Variants in GRHL2 observed in about 807,000 individuals in gnomAD.
GRHL2 encodes the protein grainyhead like transcription factor 2, also known as grainyhead-like protein 2 homolog.
In GRHL2, 21 loss-of-function variants were observed where a neutral mutation model predicts 83.8. The observed-to-expected ratio is 0.25, with a 90% confidence interval of 0.18 to 0.36. The LOEUF is 0.36. Among genes scored for constraint, GRHL2 ranks in the 10% least tolerant of loss-of-function variants. The pLI, the probability that GRHL2 is intolerant of heterozygous loss-of-function variation, is 1.00. For missense variants in GRHL2, 623 were observed against 781.8 expected, an observed-to-expected ratio of 0.80 and a Z score of 2.42; for synonymous variants, 280 against 278.9, an observed-to-expected ratio of 1.00 and a Z score of -0.04.
At chr8:101,653,721 G>A (rs183111358) in intron 14 of GRHL2, among the ~76,000 whole-genome samples, 2,109 of 150,084 alleles carry the variant, frequency 0.014, 57 homozygotes, top group African/African-American at 0.05. Context: ...CAGACTGGGA[G>A]AGAGTGACTC....
intron 1 of GRHL2, among the ~76,000 whole-genome samples, chr8:101,527,182 C>T (rs192711482): frequency 8.5e-5 from 13 of 152,256 alleles, no homozygotes; most frequent in South Asian, 2.1e-4. Context: ...TGTCTGCACA[C>T]CATACTATGG....
rs773881238 is a variant in GRHL2 at position 101,647,968 on chromosome 8, T to C, written c.1613-1446T>C. On this transcript the variant is annotated intron_variant, in intron 13 of 15. Transcript: ENST00000646743. The stretch of plus-strand genomic sequence containing the variant: ...TTCTTCTGGTTGATGGCTCTGTTGG[T>C]GTCTGAGTGTCGCTGGTACCCAGAG... Among the ~76,000 whole-genome samples, 13 of 152,176 alleles carry C rather than the reference T, an allele frequency of 8.5e-5. No individual in the cohort carries two copies. The South Asian group carries it at 2.5e-3, about 29-fold the overall frequency.
intron 7 of GRHL2, among the ~76,000 whole-genome samples, chr8:101,581,423 G>A (rs1812050715): frequency 6.6e-6 from 1 of 152,152 alleles, no homozygotes; most frequent in Admixed American, 6.5e-5. Flanking sequence ...ACTCTTGTGA[G>A]CTCCTTGAAT....
chr8:101,502,766 T>TCTCCTCTTC (rs936414774), intron 1 of GRHL2, among the ~76,000 whole-genome samples: 1 of 151,774 alleles, frequency 6.6e-6, no homozygotes, highest in Non-Finnish European at 1.5e-5. Context: ...TCCTATTCTT[T>TCTCCTCTTC]CTCCTCTTCC....
At position 101,644,246 on chromosome 8, in the gene GRHL2, T is replaced by C. The variant is rs375945662; in HGVS notation, c.1612+21T>C. ...GCGAGGTATCTCTCCTGCTGGGGCA[T>C]GCCCTCTCAGAAGGGATGCGGGGTG... On this transcript the variant is annotated intron_variant, in intron 13 of 15. Coordinates refer to ENST00000646743, the MANE Select transcript of GRHL2 (RefSeq NM_024915.4). 7.2e-5 allele frequency: 114 copies of C among 1,593,536 alleles called. No individual in the cohort carries two copies. In the African/African-American group the frequency reaches 1.5e-3, roughly 21 times the overall value.
In GRHL2 at chr8:101,543,297, G is replaced by A. The variant is rs750332552; in HGVS notation, c.77G>A (p.Arg26Gln). 6.2e-6 allele frequency: 10 copies of A among 1,613,854 alleles called. No individual in the cohort carries two copies. In the Admixed American group the frequency reaches 6.7e-5, roughly 11 times the overall value. The change falls in exon 2 of 16, where the codon CGA becomes CAA. Residue 26 changes from arginine (R) to glutamine (Q), a missense_variant. Transcript: ENST00000646743. ...PMPSDPPFNT[R>Q]RAYTSEDEAW... ...CCCAGTGACCCTCCATTCAATACCC[G>A]AAGAGCCTACACCAGTGAGGATGAA...
intron 1 of GRHL2, among the ~76,000 whole-genome samples, chr8:101,505,632 T>C (rs1223113123): frequency 1.3e-5 from 2 of 150,676 alleles, no homozygotes; most frequent in Admixed American, 6.6e-5. Context: ...TTACGGGGCT[T>C]GTGGGAGGGT....
chr8:101,546,500 C>T (rs914257995), intron 2 of GRHL2, among the ~76,000 whole-genome samples: 6 of 151,744 alleles, frequency 4.0e-5, no homozygotes, highest in African/African-American at 9.7e-5. Context: ...ACCTCTGTCT[C>T]CCGAGTTCAA....
intron 4 of GRHL2, among the ~76,000 whole-genome samples, chr8:101,561,738 C>G (rs1811612180): frequency 6.6e-6 from 1 of 152,120 alleles, no homozygotes; most frequent in South Asian, 2.1e-4. Context: ...AATGGCATAA[C>G]CATTTTACAT....
At chr8:101,533,411 T>C (rs1019908053) in intron 1 of GRHL2, among the ~76,000 whole-genome samples, 1 of 152,228 alleles carries the variant, frequency 6.6e-6, no homozygotes, top group African/African-American at 2.4e-5. Flanking sequence ...GGAGCTTTTA[T>C]TCATTCATTT....
intron 7 of GRHL2, among the ~76,000 whole-genome samples, chr8:101,598,581 ATTTTTTTTTTTTTT>A (rs61519476): frequency 1.7e-5 from 2 of 117,654 alleles, no homozygotes; most frequent in East Asian, 2.6e-4. Context: ...GGTCTCCTGA[ATTTTTTTTTTTTTT>A]TTTTTTTTTT....
intron 1 of GRHL2, among the ~76,000 whole-genome samples, chr8:101,496,129 C>G (rs903799199): frequency 1.5e-5 from 2 of 131,576 alleles, no homozygotes; most frequent in Non-Finnish European, 3.2e-5. Flanking sequence ...GCCTGGGTGA[C>G]AGTGCGAGAC....
At chr8:101,647,002 A>T (rs919760566) in intron 13 of GRHL2, among the ~76,000 whole-genome samples, 2 of 152,178 alleles carry the variant, frequency 1.3e-5, no homozygotes, top group African/African-American at 4.8e-5. Flanking sequence ...GCCACACCTG[A>T]AGCAAGAAGA....
At position 101,558,483 on chromosome 8, in the gene GRHL2, C is replaced by T; in HGVS notation, c.349C>T (p.Leu117=). Residue 117 remains leucine, a synonymous_variant, in exon 4 of 16, where the codon CTA becomes TTA. Transcript: ENST00000646743. ...TGGAGGAGAAAACCGAGTGCAAGTC[C>T]TAAAGACTGTTCCAGTGAACCTTTC... is the stretch of plus-strand genomic sequence containing the variant. ...LSGGENRVQV[L]KTVPVNLSLN... is the part of the protein sequence containing the mutation. 1 of 1,614,134 alleles carries T rather than the reference C, an allele frequency of 6.2e-7. No homozygotes were observed. Among genetic ancestry groups the T allele is most frequent in the Non-Finnish European group, 8.5e-7 (1 of 1,180,026 alleles).
At chr8:101,500,097 A>C (rs1399450395) in intron 1 of GRHL2, among the ~76,000 whole-genome samples, 8 of 152,072 alleles carry the variant, frequency 5.3e-5, no homozygotes, top group Non-Finnish European at 1.2e-4. Context: ...CCAACCAACC[A>C]AACAAGAAAT....
intron 8 of GRHL2, among the ~76,000 whole-genome samples, chr8:101,609,953 G>A (rs112155525): frequency 4.0e-5 from 6 of 150,692 alleles, no homozygotes; most frequent in African/African-American, 1.2e-4. Context: ...AACAAATGCC[G>A]AAAAAGTCGA....
chr8:101,509,351 T>G (rs1810419317), intron 1 of GRHL2, among the ~76,000 whole-genome samples: 1 of 151,204 alleles, frequency 6.6e-6, no homozygotes, highest in South Asian at 2.1e-4. Context: ...GCCCTGCAAT[T>G]AAACTTCATA....
At chr8:101,558,316 C>T (rs953154274) in intron 3 of GRHL2, 103 bp from the exon 4 acceptor site, 27 of 1,354,738 alleles carry the variant, frequency 2.0e-5, no homozygotes, top group African/African-American at 2.8e-5. Flanking sequence ...CCCTTAATGG[C>T]ATTAACATCC....
At chr8:101,580,852 C>T (rs188097189) in intron 7 of GRHL2, among the ~76,000 whole-genome samples, 150 of 152,200 alleles carry the variant, frequency 9.9e-4, no homozygotes, top group South Asian at 1.5e-3. Context: ...TACAGGCACA[C>T]GCCACCACGC....
Sources: gnomAD v4.1 joint callset for allele counts (sites outside exome capture counted in the v4.1 genomes callset) on GRCh38, gnomAD v4.1.1 for gene constraint, MANE v1.5 for transcripts, NCBI Gene and HGNC (gene_info 2026-07-23, HGNC 2026-07-21) for gene names.